The following GALNTL6 variants were observed in gnomAD, a reference collection of about 807,000 sequenced individuals.
The protein encoded by GALNTL6 is polypeptide N-acetylgalactosaminyltransferase like 6, also known as polypeptide N-acetylgalactosaminyltransferase-like 6.
In GALNTL6, 46 loss-of-function variants were observed where a neutral mutation model predicts 73.7. That is an observed-to-expected ratio of 0.62 (90% CI 0.49 to 0.80). The LOEUF is 0.80. Ranked by LOEUF, GALNTL6 falls within the 30% of genes least tolerant of loss-of-function variation. GALNTL6 has a pLI of 0.00. For synonymous variants in GALNTL6, 259 were observed against 263.7 expected (o/e 0.98, Z 0.17); for missense variants, 604 against 755.0 (o/e 0.80, Z 2.34).
intron 5 of GALNTL6, among the ~76,000 whole-genome samples, chr4:172,706,429 A>T (rs79011303): frequency 6.6e-6 from 1 of 152,082 alleles, no homozygotes; most frequent in African/African-American, 2.4e-5. Flanking sequence ...GAGCTTTCAC[A>T]TAAACATCTT....
intron 5 of GALNTL6, among the ~76,000 whole-genome samples, chr4:172,428,721 C>T (rs146840538): frequency 3.9e-5 from 6 of 152,212 alleles, no homozygotes; most frequent in African/African-American, 9.6e-5. Flanking sequence ...AAAACTGAAA[C>T]GGAGATATAG....
intron 7 of GALNTL6, among the ~76,000 whole-genome samples, chr4:172,871,588 T>G (rs1025421954): frequency 9.0e-5 from 11 of 121,846 alleles, no homozygotes; most frequent in South Asian, 3.4e-4. Flanking sequence ...TCTCTGACTC[T>G]GGGGGGGGTG....
intron 3 of GALNTL6, among the ~76,000 whole-genome samples, chr4:172,238,574 A>G (rs1737317611): frequency 6.6e-6 from 1 of 150,728 alleles, no homozygotes; most frequent in South Asian, 2.1e-4. Flanking sequence ...CTCTCTTTCT[A>G]TTTAGATGCT....
chr4:173,022,483 A>C (rs1044159723), intron 12 of GALNTL6, among the ~76,000 whole-genome samples: 1 of 152,232 alleles, frequency 6.6e-6, no homozygotes, highest in Non-Finnish European at 1.5e-5. Flanking sequence ...CGCATACATA[A>C]TTTTTAACAT....
chr4:172,623,417 G>A (rs1739039949), intron 5 of GALNTL6, among the ~76,000 whole-genome samples: 1 of 151,916 alleles, frequency 6.6e-6, no homozygotes, highest in African/African-American at 2.4e-5. Flanking sequence ...AAAGTAGAAT[G>A]GAGGAAGAAA....
chr4:172,629,406 A>G (rs922054945), intron 5 of GALNTL6, among the ~76,000 whole-genome samples: 3 of 152,164 alleles, frequency 2.0e-5, no homozygotes, highest in African/African-American at 4.8e-5. Flanking sequence ...TCATGTGAGA[A>G]TCGGAATTGA....
At chr4:172,752,917 T>G (rs1282136730) in intron 5 of GALNTL6, among the ~76,000 whole-genome samples, 1 of 152,216 alleles carries the variant, frequency 6.6e-6, no homozygotes, top group Non-Finnish European at 1.5e-5. Context: ...AAAACTGAGA[T>G]GATATACTCA....
chr4:172,311,150 T>G (rs926153095), intron 3 of GALNTL6, among the ~76,000 whole-genome samples: 1 of 152,176 alleles, frequency 6.6e-6, no homozygotes, highest in African/African-American at 2.4e-5. Flanking sequence ...ATGCTTCCCC[T>G]TCAAAAATGC....
At chr4:172,851,849 C>T (rs960453782) in intron 7 of GALNTL6, among the ~76,000 whole-genome samples, 1 of 151,952 alleles carries the variant, frequency 6.6e-6, no homozygotes, top group Non-Finnish European at 1.5e-5. Context: ...TCTAAGTAGC[C>T]CCAATATTTA....
Position 172,750,104 on chromosome 4 carries a change from T to A in GALNTL6, c.554-59257T>A, listed in dbSNP as rs555235702. Among the ~76,000 whole-genome samples, 201 of 152,326 alleles carry A rather than the reference T, an allele frequency of 1.3e-3. 1 individual carries two copies. The highest frequency in any genetic ancestry group is 4.6e-3 in the African/African-American group (192 of 41,572). Reference sequence around the variant, plus strand: ...ATTTATAACAAGAGTTAAAATTTTATATCTGCTATAGGTCTTCAGATTTCT... The same window carrying A: ...ATTTATAACAAGAGTTAAAATTTTAAATCTGCTATAGGTCTTCAGATTTCT... On this transcript the variant is annotated intron_variant, in intron 5 of 12. Coordinates refer to ENST00000506823, the MANE Select transcript of GALNTL6 (RefSeq NM_001034845.3).
chr4:172,515,125 G>A (rs1230628331), intron 5 of GALNTL6, among the ~76,000 whole-genome samples: 1 of 152,220 alleles, frequency 6.6e-6, no homozygotes, highest in East Asian at 1.9e-4. Flanking sequence ...AGATGTAGAT[G>A]TACAAAGTTG....
At chr4:172,378,629 G>A (rs988139663) in intron 5 of GALNTL6, among the ~76,000 whole-genome samples, 1 of 151,968 alleles carries the variant, frequency 6.6e-6, no homozygotes, top group Non-Finnish European at 1.5e-5. Flanking sequence ...GATGAATAAA[G>A]ATTATTATAA....
chr4:172,414,578 A>C (rs578041449), intron 5 of GALNTL6, among the ~76,000 whole-genome samples: 2 of 152,020 alleles, frequency 1.3e-5, no homozygotes, highest in Admixed American at 1.3e-4. Flanking sequence ...AGAGCACACT[A>C]CTCTTAGCGG....
In GALNTL6 at chr4:172,929,081, T is replaced by C. The variant is rs554272834; in HGVS notation, c.1042-2080T>C. Among the ~76,000 whole-genome samples, 8 of 152,192 alleles carry C rather than the reference T, an allele frequency of 5.3e-5. No individual in the cohort carries two copies. The East Asian group carries it at 1.6e-3, about 30-fold the overall frequency. On this transcript the variant is annotated intron_variant, in intron 8 of 12. Transcript: ENST00000506823. ...TGGAGATCTTTCCATATGTTGATAA[T>C]GTAGTTTAGACTGTCCACTGCCCTT...
intron 8 of GALNTL6, among the ~76,000 whole-genome samples, chr4:172,896,284 T>C (rs759406725): frequency 6.6e-6 from 1 of 152,216 alleles, no homozygotes; most frequent in Non-Finnish European, 1.5e-5. Context: ...TTTTCAGAGA[T>C]TCTAAGCAAA....
At chr4:172,421,143 A>G (rs1731042201) in intron 5 of GALNTL6, among the ~76,000 whole-genome samples, 1 of 152,134 alleles carries the variant, frequency 6.6e-6, no homozygotes, top group African/African-American at 2.4e-5. Context: ...CAGCACATGT[A>G]TCCCAGAACT....
rs1488762746 is a variant in GALNTL6, at chr4:171,923,693, C to T, written c.138+108975C>T. The stretch of plus-strand genomic sequence containing the variant: ...AGTGCTGGGATTACAGGTGTGGACC[C>T]TGACATTTTTTAAAAAGGCTTACTG... On this transcript the variant is annotated intron_variant, in intron 2 of 12. Coordinates refer to ENST00000506823, the MANE Select transcript of GALNTL6 (RefSeq NM_001034845.3). Among the ~76,000 whole-genome samples, 4 of 151,324 alleles carry T rather than the reference C, an allele frequency of 2.6e-5. No individual in the cohort carries two copies. The South Asian group carries it at 8.3e-4, about 32-fold the overall frequency.
intron 5 of GALNTL6, among the ~76,000 whole-genome samples, chr4:172,557,497 C>T (rs1356388797): frequency 6.6e-6 from 1 of 152,076 alleles, no homozygotes; most frequent in East Asian, 1.9e-4. Context: ...TACTTATATC[C>T]AGCTGAAAAA....
chr4:171,967,783 C>A (rs1739433989), intron 2 of GALNTL6, among the ~76,000 whole-genome samples: 1 of 152,084 alleles, frequency 6.6e-6, no homozygotes, highest in Non-Finnish European at 1.5e-5. Context: ...AAAAGAATAA[C>A]AAATGAAACC....
Sources: allele counts gnomAD v4.1 joint callset (sites outside exome capture counted in the v4.1 genomes callset), GRCh38; gene constraint gnomAD v4.1.1; transcripts MANE v1.5; gene names NCBI Gene and HGNC (gene_info 2026-07-23, HGNC 2026-07-21).